Variants in ASIC2 observed in about 807,000 individuals in gnomAD.
ASIC2 encodes acid-sensing ion channel 2.
Under a neutral mutation model 57.3 loss-of-function variants are expected in ASIC2, and 25 were observed. The ratio of observed to expected loss-of-function variants is 0.44; its 90% CI spans 0.32 to 0.61. ASIC2 has a LOEUF of 0.61. Ranked by LOEUF, ASIC2 falls within the 20% of genes least tolerant of loss-of-function variation. The pLI, the probability that ASIC2 is intolerant of heterozygous loss-of-function variation, is 0.06. For synonymous variants in ASIC2, 319 were observed against 307.5 expected (o/e 1.04, Z -0.39); for missense variants, 641 against 738.1 (o/e 0.87, Z 1.52).
chr17:33,416,261 C>A (rs1910837408), intron 1 of ASIC2, among the ~76,000 whole-genome samples: 1 of 152,230 alleles, frequency 6.6e-6, no homozygotes, highest in Non-Finnish European at 1.5e-5. Flanking sequence ...GAAATCTTAA[C>A]AGAAGCACAA....
intron 1 of ASIC2, among the ~76,000 whole-genome samples, chr17:33,419,661 T>G (rs1463949163): frequency 6.6e-6 from 1 of 152,252 alleles, no homozygotes; most frequent in Non-Finnish European, 1.5e-5. Context: ...ACAGATATAC[T>G]GGTACATGTG....
chr17:33,340,276 C>T, intron 1 of ASIC2, among the ~76,000 whole-genome samples: 1 of 152,078 alleles, frequency 6.6e-6, no homozygotes, highest in East Asian at 1.9e-4. Flanking sequence ...AGGAAAAGAC[C>T]TCTGAGGGTG....
At chr17:33,643,225 A>AT (rs926493710) in intron 1 of ASIC2, among the ~76,000 whole-genome samples, 4 of 151,224 alleles carry the variant, frequency 2.6e-5, no homozygotes, top group Non-Finnish European at 4.4e-5. Context: ...AATTGGCAGC[A>AT]TTTTTTTCTT....
intron 1 of ASIC2, among the ~76,000 whole-genome samples, chr17:33,272,411 C>A (rs533724541): frequency 6.6e-6 from 1 of 152,306 alleles, no homozygotes; most frequent in South Asian, 2.1e-4. Flanking sequence ...ACTCAATTAA[C>A]TCTTACTGAA....
intron 1 of ASIC2, among the ~76,000 whole-genome samples, chr17:33,476,179 C>T (rs928894658): frequency 1.2e-4 from 19 of 152,126 alleles, no homozygotes; most frequent in African/African-American, 2.4e-4. Context: ...ACCGGAGGAC[C>T]TATGGTATAT....
chr17:33,468,123 G>C (rs1024261720), intron 1 of ASIC2, among the ~76,000 whole-genome samples: 5 of 152,180 alleles, frequency 3.3e-5, no homozygotes, highest in Non-Finnish European at 2.9e-5. Context: ...TCAAAGATAT[G>C]AATGACAGAG....
At chr17:33,736,991 T>C (rs1909933979) in intron 1 of ASIC2, among the ~76,000 whole-genome samples, 1 of 152,290 alleles carries the variant, frequency 6.6e-6, no homozygotes, top group South Asian at 2.1e-4. Context: ...GCATATGCTA[T>C]GATATATTTT....
intron 3 of ASIC2, among the ~76,000 whole-genome samples, chr17:33,071,330 C>A (rs748927077): frequency 1.8e-4 from 27 of 152,158 alleles, no homozygotes; most frequent in Non-Finnish European, 3.7e-4. Flanking sequence ...CTCAAGTTAA[C>A]TAATCTTTTC....
At chr17:33,862,788 G>T (rs1463305101) in intron 1 of ASIC2, among the ~76,000 whole-genome samples, 2 of 152,180 alleles carry the variant, frequency 1.3e-5, no homozygotes, top group Non-Finnish European at 2.9e-5. Context: ...TGCCATAATG[G>T]CCAGCCTTCT....
At chr17:33,849,492 C>T (rs760829928) in intron 1 of ASIC2, among the ~76,000 whole-genome samples, 24 of 152,214 alleles carry the variant, frequency 1.6e-4, no homozygotes, top group Non-Finnish European at 2.9e-4. Context: ...CTACGTTTCT[C>T]TGACACCCAA....
rs1435237267 is a variant in ASIC2 at position 34,156,604 on chromosome 17, C to T, written c.-72G>A. The T allele has an allele frequency of 6.0e-5, 89 of 1,471,824 alleles. 1 individual carries two copies. In the East Asian group the frequency reaches 2.0e-3, roughly 34 times the overall value. The allele number at this position is 1,471,824 out of a possible 1,614,324, so 91.2% of individuals were successfully genotyped here. ...CAGAGAAGAGCTCCCAGTCCTCGGG[C>T]TCTGCTTAAACCTTGACGTTCAGGG... On this transcript the variant is annotated 5_prime_UTR_variant, in exon 1 of 10. Transcript: ENST00000359872. The surrounding 1 kb of genome is among the most constrained non-coding windows in gnomAD (Gnocchi z 4.4).
At chr17:33,423,737 C>A (rs1397348848) in intron 1 of ASIC2, among the ~76,000 whole-genome samples, 2 of 152,162 alleles carry the variant, frequency 1.3e-5, no homozygotes, top group Non-Finnish European at 2.9e-5. Flanking sequence ...AACATTGGCA[C>A]CCATGATCAC....
intron 1 of ASIC2, among the ~76,000 whole-genome samples, chr17:33,161,550 C>T (rs185958814): frequency 1.2e-4 from 18 of 152,318 alleles, no homozygotes; most frequent in Admixed American, 7.8e-4. Context: ...CTTATCCATT[C>T]TCAAATATTT....
chr17:33,046,435 TC>T (rs1162706761), intron 3 of ASIC2, among the ~76,000 whole-genome samples: 1 of 152,178 alleles, frequency 6.6e-6, no homozygotes, highest in African/African-American at 2.4e-5. Flanking sequence ...AAATCCACTT[TC>T]CCCCACCTGA....
rs542878401 is a variant in ASIC2 at position 33,072,631 on chromosome 17, G to A, written c.987+16232C>T. The stretch of plus-strand genomic sequence containing the variant: ...TCCTCTCAACAGCCAGGTGACGTAC[G>A]TAGGCAGGCATTCGGCCATTTGACG... On this transcript the variant is annotated intron_variant, in intron 3 of 9. Transcript: ENST00000225823. Among the ~76,000 whole-genome samples, 7 of 152,316 alleles carry A rather than the reference G, an allele frequency of 4.6e-5. No individual in the cohort carries two copies. In the East Asian group the frequency reaches 5.8e-4, roughly 13 times the overall value.
chr17:33,375,980 A>G (rs1909262674), intron 1 of ASIC2, among the ~76,000 whole-genome samples: 1 of 152,196 alleles, frequency 6.6e-6, no homozygotes, highest in Non-Finnish European at 1.5e-5. Context: ...TCTGTTAGAC[A>G]TCTGAATGGA....
At chr17:33,605,121 T>C (rs192932549) in intron 1 of ASIC2, among the ~76,000 whole-genome samples, 1 of 152,216 alleles carries the variant, frequency 6.6e-6, no homozygotes, top group African/African-American at 2.4e-5. Flanking sequence ...TTTAGCTGCA[T>C]GTTCTCATAA....
chr17:33,423,303 G>C (rs191499229), intron 1 of ASIC2, among the ~76,000 whole-genome samples: 4 of 152,346 alleles, frequency 2.6e-5, no homozygotes, highest in Admixed American at 2.6e-4. Flanking sequence ...GTGAAAACAT[G>C]ATGAGTGCTG....
chr17:33,044,404 G>T (rs539605279), intron 3 of ASIC2, among the ~76,000 whole-genome samples: 9 of 151,504 alleles, frequency 5.9e-5, no homozygotes, highest in Admixed American at 2.6e-4. Context: ...AGTGAGCCTT[G>T]CTCTGTCACC....
Sources: allele counts gnomAD v4.1 joint callset (sites outside exome capture counted in the v4.1 genomes callset), GRCh38; gene constraint gnomAD v4.1.1; non-coding constraint Gnocchi (gnomAD v3.1); transcripts MANE v1.5; gene names NCBI Gene and HGNC (gene_info 2026-07-23, HGNC 2026-07-21).